The following MAGI1 variants were observed in gnomAD, a reference collection of about 807,000 sequenced individuals.
MAGI1 encodes membrane associated guanylate kinase, WW and PDZ domain containing 1.
A neutral mutation model predicts 139.9 loss-of-function variants in MAGI1; 58 were observed. That is an observed-to-expected ratio of 0.41 (90% CI 0.34 to 0.52). The LOEUF (loss-of-function observed/expected upper bound fraction) is 0.52, where lower values mean the gene tolerates loss of function less well. Ranked by LOEUF, MAGI1 falls within the 20% of genes least tolerant of loss-of-function variation. MAGI1 has a pLI of 0.12. For missense variants in MAGI1, 1,874 were observed against 1,901.6 expected, an observed-to-expected ratio of 0.99 and a Z score of 0.27; for synonymous variants, 812 against 737.9, an observed-to-expected ratio of 1.10 and a Z score of -1.63.
rs1460433094 is a variant in MAGI1 at position 65,357,050 on chromosome 3, A to T, written c.3717T>A (p.His1239Gln). 5 of 1,614,008 alleles carry T rather than the reference A, an allele frequency of 3.1e-6. No homozygotes were observed. Among genetic ancestry groups the T allele is most frequent in the Middle Eastern group, 1.6e-4 (1 of 6,084 alleles). Reference protein sequence around the residue: ...EVRAGPDRRQHPSLESSYPPD... With the variant: ...EVRAGPDRRQQPSLESSYPPD... ...GTGGGTAACTGGACTCCAATGACGG[A>T]TGCTGCCGGCGGTCGGGCCCGGCCC... Residue 1239 changes from histidine (H) to glutamine (Q), a missense_variant, in exon 23 of 23, where the codon CAT becomes CAA. His to Gln is a conservative substitution (Grantham distance 24). This residue lies in a region of MAGI1 where 653 missense variants were observed against 644.5 expected (regional missense o/e 1.01). Coordinates refer to ENST00000402939, the MANE Select transcript of MAGI1 (RefSeq NM_001033057.2).
intron 1 of MAGI1, among the ~76,000 whole-genome samples, chr3:65,838,371 C>T (rs1354858406): frequency 6.6e-6 from 1 of 151,326 alleles, no homozygotes; most frequent in East Asian, 1.9e-4. Flanking sequence ...CAAACATCTC[C>T]CTTGTGCTAC....
intron 2 of MAGI1, among the ~76,000 whole-genome samples, chr3:65,536,475 T>C (rs2078962464): frequency 6.6e-6 from 1 of 152,160 alleles, no homozygotes. Context: ...GCAACAGTTA[T>C]AAAGGCAAAA....
At chr3:65,530,836 T>C (rs146568515) in intron 2 of MAGI1, among the ~76,000 whole-genome samples, 19,872 of 90,718 alleles carry the variant, frequency 0.22, 3,474 homozygotes, top group Middle Eastern at 0.31. Flanking sequence ...TATATATATA[T>C]ATACACACAC....
chr3:65,746,192 C>G (rs1050257517), intron 1 of MAGI1, among the ~76,000 whole-genome samples: 4 of 151,994 alleles, frequency 2.6e-5, no homozygotes, highest in Non-Finnish European at 5.9e-5. Context: ...CCTGCCACCA[C>G]GCCTGGCTAA....
chr3:65,916,628 T>G (rs2061920349), intron 1 of MAGI1, among the ~76,000 whole-genome samples: 1 of 151,998 alleles, frequency 6.6e-6, no homozygotes, highest in Non-Finnish European at 1.5e-5. Context: ...CCACAACACA[T>G]GGGAATTATG....
In MAGI1 at chr3:65,448,261, T is replaced by C. The variant is rs539860832; in HGVS notation, c.1043-204A>G. On this transcript the variant is annotated intron_variant, in intron 6 of 22. Transcript: ENST00000402939. ...AATCACAAAACGGGAAGAGCTGATATTGGCAAAATAATTACATGGCTCATT... is the reference window on the plus strand; with the variant it reads ...AATCACAAAACGGGAAGAGCTGATACTGGCAAAATAATTACATGGCTCATT... The C allele has an allele frequency of 7.5e-5, 45 of 601,566 alleles. No homozygotes were observed. The South Asian group carries it at 8.4e-4, about 11-fold the overall frequency. The allele number at this position is 601,566 out of a possible 1,614,324, so 37.3% of individuals were successfully genotyped here.
At chr3:65,415,791 G>T (rs1462142629) in intron 12 of MAGI1, among the ~76,000 whole-genome samples, 1 of 152,204 alleles carries the variant, frequency 6.6e-6, no homozygotes, top group Non-Finnish European at 1.5e-5. Flanking sequence ...ATTTGGCCCT[G>T]TCTGAAGACA....
chr3:66,012,957 A>T (rs2067407766), intron 1 of MAGI1, among the ~76,000 whole-genome samples: 1 of 152,190 alleles, frequency 6.6e-6, no homozygotes, highest in African/African-American at 2.4e-5. Context: ...GAACCTAGCC[A>T]ACTCTGAAGC....
intron 1 of MAGI1, among the ~76,000 whole-genome samples, chr3:65,709,628 A>C (rs2031027866): frequency 6.6e-6 from 1 of 152,216 alleles, no homozygotes. Flanking sequence ...TTCTAGCAAG[A>C]CCAGATGCAC....
intron 1 of MAGI1, among the ~76,000 whole-genome samples, chr3:65,708,641 A>G (rs1181841867): frequency 6.6e-6 from 1 of 152,258 alleles, no homozygotes; most frequent in East Asian, 1.9e-4. Flanking sequence ...GTGAGAAAAA[A>G]GGAAGGGAGG....
intron 2 of MAGI1, among the ~76,000 whole-genome samples, chr3:65,574,584 C>T (rs563631284): frequency 1.3e-5 from 2 of 151,908 alleles, no homozygotes; most frequent in South Asian, 2.1e-4. Flanking sequence ...TCCTACCATA[C>T]GTTTTGTCAA....
At chr3:65,812,491 C>CGCACACACACAA (rs1422250427) in intron 1 of MAGI1, among the ~76,000 whole-genome samples, 1 of 149,986 alleles carries the variant, frequency 6.7e-6, no homozygotes, top group Non-Finnish European at 1.5e-5. Context: ...CACACACACA[C>CGCACACACACAA]TTCTCTATCA....
chr3:65,366,747 T>G (rs765577398), intron 18 of MAGI1, among the ~76,000 whole-genome samples: 2 of 152,240 alleles, frequency 1.3e-5, no homozygotes, highest in African/African-American at 2.4e-5. Context: ...TTGTTTGGAA[T>G]ACTGCCTGGC....
At chr3:65,871,843 C>T (rs1278877746) in intron 1 of MAGI1, among the ~76,000 whole-genome samples, 8 of 152,230 alleles carry the variant, frequency 5.3e-5, no homozygotes, top group Non-Finnish European at 1.2e-4. Context: ...CCCACGCAGT[C>T]ATTGTCCCTT....
At chr3:65,694,947 C>T (rs1334547296) in intron 1 of MAGI1, among the ~76,000 whole-genome samples, 2 of 152,106 alleles carry the variant, frequency 1.3e-5, no homozygotes, top group African/African-American at 2.4e-5. Flanking sequence ...TTAGCCACTA[C>T]CACATTCAGG....
intron 1 of MAGI1, among the ~76,000 whole-genome samples, chr3:66,021,903 G>C (rs1280179048): frequency 1.3e-5 from 2 of 152,146 alleles, no homozygotes; most frequent in African/African-American, 2.4e-5. Context: ...AATGTGTGGG[G>C]TACTGTGTTC....
intron 21 of MAGI1, among the ~76,000 whole-genome samples, chr3:65,361,979 G>A (rs578019866): frequency 6.6e-6 from 1 of 152,282 alleles, no homozygotes; most frequent in South Asian, 2.1e-4. Flanking sequence ...CATTCACTTT[G>A]TGTCAGCCAC....
At chr3:65,989,282 G>GCT (rs2066040260) in intron 1 of MAGI1, among the ~76,000 whole-genome samples, 1 of 152,178 alleles carries the variant, frequency 6.6e-6, no homozygotes, top group South Asian at 2.1e-4. Context: ...CACATTCTCA[G>GCT]CTCAGTGTTT....
intron 1 of MAGI1, among the ~76,000 whole-genome samples, chr3:66,013,804 T>A (rs945319638): frequency 6.6e-6 from 1 of 150,938 alleles, no homozygotes; most frequent in Non-Finnish European, 1.5e-5. Flanking sequence ...ACATCCCCAC[T>A]AGGTATTTGA....
Sources: allele counts gnomAD v4.1 joint callset (sites outside exome capture counted in the v4.1 genomes callset), GRCh38; gene constraint gnomAD v4.1.1; regional missense constraint gnomAD v4.1.1; transcripts MANE v1.5; gene names NCBI Gene and HGNC (gene_info 2026-07-23, HGNC 2026-07-21).